RAB11FIP4: variants seen among roughly 807,000 people sequenced by gnomAD.
The protein encoded by RAB11FIP4 is rab11 family-interacting protein 4.
Under a neutral mutation model 74.3 loss-of-function variants are expected in RAB11FIP4, and 23 were observed. The observed-to-expected ratio is 0.31, with a 90% CI of 0.22 to 0.44. The LOEUF (loss-of-function observed/expected upper bound fraction) is 0.44, where lower values mean the gene tolerates loss of function less well. Among genes scored for constraint, RAB11FIP4 ranks in the 20% least tolerant of loss-of-function variants. The pLI, the probability that RAB11FIP4 is intolerant of heterozygous loss-of-function variation, is 1.00. For synonymous variants in RAB11FIP4, 360 were observed against 359.9 expected, an observed-to-expected ratio of 1.00 and a Z score of 0.00; for missense variants, 630 against 863.9, an observed-to-expected ratio of 0.73 and a Z score of 3.39.
At chr17:31,519,736 T>C (rs766665413) in intron 4 of RAB11FIP4, among the ~76,000 whole-genome samples, 5 of 152,160 alleles carry the variant, frequency 3.3e-5, no homozygotes, top group Admixed American at 6.5e-5. Context: ...TATATCTCAA[T>C]GCAGGGTTTC....
At chr17:31,393,677 T>G (rs2070899369) in intron 1 of RAB11FIP4, among the ~76,000 whole-genome samples, 1 of 152,166 alleles carries the variant, frequency 6.6e-6, no homozygotes. Flanking sequence ...AGCCTTTAAA[T>G]ATTTGAAAAT....
intron 3 of RAB11FIP4, among the ~76,000 whole-genome samples, chr17:31,507,033 A>T (rs930143447): frequency 6.6e-6 from 1 of 152,236 alleles, no homozygotes; most frequent in South Asian, 2.1e-4. Flanking sequence ...TAATCCCAGC[A>T]CTGTGGGAGG....
At chr17:31,495,506 C>G (rs773092055) in intron 3 of RAB11FIP4, among the ~76,000 whole-genome samples, 2 of 151,638 alleles carry the variant, frequency 1.3e-5, no homozygotes, top group African/African-American at 2.4e-5. Context: ...GCCTGAGTAG[C>G]TGGGTGCACC....
At chr17:31,430,288 G>A (rs904646159) in intron 1 of RAB11FIP4, among the ~76,000 whole-genome samples, 13 of 152,054 alleles carry the variant, frequency 8.5e-5, no homozygotes, top group African/African-American at 2.7e-4. Context: ...GAAGAGCATG[G>A]GAGGAGAGGG....
chr17:31,515,124 C>G (rs1275766621), intron 3 of RAB11FIP4, among the ~76,000 whole-genome samples: 1 of 152,192 alleles, frequency 6.6e-6, no homozygotes, highest in Non-Finnish European at 1.5e-5. Context: ...TCATGAAGCA[C>G]AGGTGGGATA....
chr17:31,440,701 G>A (rs1171227796), intron 3 of RAB11FIP4, among the ~76,000 whole-genome samples: 3 of 152,190 alleles, frequency 2.0e-5, no homozygotes, highest in Non-Finnish European at 4.4e-5. Context: ...CCCGGGAGGC[G>A]GAGGTTGCAG....
intron 3 of RAB11FIP4, among the ~76,000 whole-genome samples, chr17:31,511,865 G>A (rs2072458020): frequency 6.6e-6 from 1 of 152,244 alleles, no homozygotes; most frequent in African/African-American, 2.4e-5. Flanking sequence ...GTGACTTGGG[G>A]CCTGCTGGCA....
chr17:31,513,908 C>A (rs1159370762), intron 3 of RAB11FIP4, among the ~76,000 whole-genome samples: 1 of 152,184 alleles, frequency 6.6e-6, no homozygotes, highest in Admixed American at 6.5e-5. Context: ...CCACTCTGAG[C>A]CTCATCTTCC....
chr17:31,523,301 G>T, intron 7 of RAB11FIP4: 1 of 589,744 alleles, frequency 1.7e-6, no homozygotes, highest in Non-Finnish European at 3.0e-6. Flanking sequence ...TCTGCCAGGG[G>T]ACCCCGGGGG....
At chr17:31,466,639 G>A (rs547604439) in intron 3 of RAB11FIP4, among the ~76,000 whole-genome samples, 34 of 152,256 alleles carry the variant, frequency 2.2e-4, no homozygotes, top group African/African-American at 7.9e-4. Flanking sequence ...AGTGCCAACC[G>A]TGGCTCCGCT....
Position 31,505,575 on chromosome 17 carries a change from A to ATATATAATAATAATTATATAT in RAB11FIP4, c.337-12054_337-12034dup, listed in dbSNP as rs1420793463. The stretch of plus-strand genomic sequence containing the variant: ...ATAATAATAATTATAATATATAATA[A>ATATATAATAATAATTATATAT]TATATAATAATAATTATATATTATA... On this transcript the variant is annotated intron_variant, in intron 3 of 14. Coordinates refer to ENST00000621161, the MANE Select transcript of RAB11FIP4 (RefSeq NM_032932.6). Among the ~76,000 whole-genome samples the ATATATAATAATAATTATATAT allele has an allele frequency of 9.1e-5, 7 of 77,320 alleles. No individual in the cohort carries two copies. The South Asian group carries it at 1.7e-3, about 19-fold the overall frequency. The allele number at this position is 77,320 out of a possible 152,430, so 50.7% of individuals were successfully genotyped here.
chr17:31,536,998 A>T lies in RAB11FIP4; in HGVS notation c.*5266A>T. On this transcript the variant is annotated 3_prime_UTR_variant, in exon 15 of 15. Coordinates refer to ENST00000621161, the MANE Select transcript of RAB11FIP4 (RefSeq NM_032932.6). ...TCTGCCCCGGAGCTACCAGCTGGGG[A>T]TGGCATCCAGGCCATGTCTCCTGCA... 2.5e-6 allele frequency: 1 copy of T among 399,158 alleles called. No individual in the cohort carries two copies. Among genetic ancestry groups the T allele is most frequent in the Non-Finnish European group, 4.4e-6 (1 of 226,150 alleles). The allele number at this position is 399,158 out of a possible 1,614,324, so 24.7% of individuals were successfully genotyped here.
intron 4 of RAB11FIP4, 25 bp downstream of exon 4, chr17:31,517,902 C>T: frequency 6.6e-7 from 1 of 1,522,148 alleles, no homozygotes; most frequent in Non-Finnish European, 8.9e-7. Flanking sequence ...CCTGAAGCTC[C>T]ATATTTGCCC....
intron 4 of RAB11FIP4, among the ~76,000 whole-genome samples, chr17:31,518,179 A>G (rs1198425039): frequency 6.6e-6 from 1 of 152,098 alleles, no homozygotes; most frequent in Non-Finnish European, 1.5e-5. Flanking sequence ...TATGAGATAT[A>G]TGATCTCAAT....
intron 3 of RAB11FIP4, among the ~76,000 whole-genome samples, chr17:31,505,107 G>A (rs1314372057): frequency 6.6e-6 from 1 of 151,988 alleles, no homozygotes; most frequent in African/African-American, 2.4e-5. Context: ...GGAGGCCAGC[G>A]CCTGGTTCTT....
chr17:31,453,467 G>A (rs1298599380), intron 3 of RAB11FIP4, among the ~76,000 whole-genome samples: 3 of 150,654 alleles, frequency 2.0e-5, no homozygotes, highest in Admixed American at 6.7e-5. Flanking sequence ...GGGCCACGCC[G>A]AACAAGGAAC....
chr17:31,409,729 G>C (rs1032647079), intron 1 of RAB11FIP4, among the ~76,000 whole-genome samples: 1 of 152,208 alleles, frequency 6.6e-6, no homozygotes, highest in Admixed American at 6.5e-5. Context: ...ACAGGGTGTT[G>C]TACTGGTACA....
chr17:31,484,509 T>A (rs1466478134), intron 3 of RAB11FIP4, among the ~76,000 whole-genome samples: 1 of 152,100 alleles, frequency 6.6e-6, no homozygotes, highest in Non-Finnish European at 1.5e-5. Context: ...TCCTATTAAC[T>A]CACTCTTAGC....
intron 1 of RAB11FIP4, among the ~76,000 whole-genome samples, chr17:31,402,000 C>T (rs898796331): frequency 1.3e-5 from 2 of 152,164 alleles, no homozygotes; most frequent in Non-Finnish European, 2.9e-5. Context: ...TCCACTTACC[C>T]ATCCATCTAC....
Sources: allele counts gnomAD v4.1 joint callset (sites outside exome capture counted in the v4.1 genomes callset), GRCh38; gene constraint gnomAD v4.1.1; transcripts MANE v1.5; gene names NCBI Gene and HGNC (gene_info 2026-07-23, HGNC 2026-07-21).